Variants in DYNC2H1 observed in about 807,000 individuals in gnomAD.
The protein encoded by DYNC2H1 is cytoplasmic dynein 2 heavy chain 1.
In DYNC2H1, 410 loss-of-function variants were observed where a neutral mutation model predicts 570.0. That is an observed-to-expected ratio of 0.72 (90% CI 0.66 to 0.78). The LOEUF (loss-of-function observed/expected upper bound fraction) is 0.78. Among genes scored for constraint, DYNC2H1 ranks in the 30% least tolerant of loss-of-function variants. The pLI, the probability that DYNC2H1 is intolerant of heterozygous loss-of-function variation, is 0.00. For synonymous variants in DYNC2H1, 1,688 were observed against 1,677.6 expected (o/e 1.01, Z -0.15); for missense variants, 4,865 against 5,046.4 (o/e 0.96, Z 1.09).
chr11:103,183,039 A>G (rs1861917979), intron 40 of DYNC2H1, among the ~76,000 whole-genome samples: 1 of 151,878 alleles, frequency 6.6e-6, no homozygotes, highest in Non-Finnish European at 1.5e-5. Flanking sequence ...GTAGCAACAT[A>G]CAGCATCTAC....
chr11:103,169,170 G>A (rs550227460), intron 32 of DYNC2H1, among the ~76,000 whole-genome samples: 1 of 152,126 alleles, frequency 6.6e-6, no homozygotes, highest in South Asian at 2.1e-4. Context: ...AATATTGCTA[G>A]TATTGTACTG....
chr11:103,282,684 G>A (rs956170030), intron 72 of DYNC2H1, among the ~76,000 whole-genome samples: 2 of 151,586 alleles, frequency 1.3e-5, no homozygotes, highest in Admixed American at 6.6e-5. Context: ...AATATAACAC[G>A]GAACATAGAT....
intron 83 of DYNC2H1, among the ~76,000 whole-genome samples, chr11:103,393,902 C>G (rs1325097805): frequency 6.6e-6 from 1 of 152,132 alleles, no homozygotes. Flanking sequence ...ATAAGACTAT[C>G]AGATTTCATG....
intron 82 of DYNC2H1, among the ~76,000 whole-genome samples, chr11:103,354,850 A>C (rs181664039): frequency 6.7e-6 from 1 of 149,874 alleles, no homozygotes; most frequent in Non-Finnish European, 1.5e-5. Context: ...TACATTGTGC[A>C]GTACCAGATG....
chr11:103,201,683 T>C lies in DYNC2H1; in HGVS notation c.8197+1529T>C, dbSNP rs886850024. 3.3e-5 allele frequency among the ~76,000 whole-genome samples: 5 copies of C among 152,174 alleles called. No homozygotes were observed. The highest frequency in any genetic ancestry group is 7.4e-5 in the Non-Finnish European group (5 of 68,024). ...CTGTCCCCAGCAAACTGTGGTACTC[T>C]CCTGCTGTCTGTGGTGTTACCTGAC... On this transcript the variant is annotated intron_variant, in intron 50 of 88. Transcript: ENST00000375735. The surrounding 1 kb of genome is among the most constrained non-coding windows in gnomAD (Gnocchi z 4.8).
At position 103,277,678 on chromosome 11, in the gene DYNC2H1, G is replaced by T. The variant is rs1865966607; in HGVS notation, c.10696-2670G>T. 6.6e-6 allele frequency among the ~76,000 whole-genome samples: 1 copy of T among 152,120 alleles called. No homozygotes were observed. The highest frequency in any genetic ancestry group is 6.5e-5 in the Admixed American group (1 of 15,276). ...GAGTTCTTTGAGAACAGGGTTAGGG[G>T]AGTAGTTCTCTAAAGCAAGCTTGCC... On this transcript the variant is annotated intron_variant, in intron 70 of 88. Transcript: ENST00000375735. The surrounding 1 kb of genome is among the most constrained non-coding windows in gnomAD (Gnocchi z 4.3).
Position 103,399,800 on chromosome 11 carries a change from C to A in DYNC2H1, c.12294C>A (p.Ser4098Arg), listed in dbSNP as rs1565564140. The A allele has an allele frequency of 6.2e-7, 1 of 1,613,922 alleles. No homozygotes were observed. Among genetic ancestry groups the A allele is most frequent in the South Asian group, 1.1e-5 (1 of 91,084 alleles). The change falls in exon 84 of 89, where the codon AGC becomes AGA. Residue 4098 changes from serine to arginine, a missense_variant. This residue lies in a region of DYNC2H1 where 2,401 missense variants were observed against 2,454.6 expected (regional missense o/e 0.98). Coordinates refer to ENST00000375735, the MANE Select transcript of DYNC2H1 (RefSeq NM_001377.3). The stretch of plus-strand genomic sequence containing the variant: ...TCCACCAGTCTCTTGCTGCTCTCAG[C>A]AAAGTCATCAGAGGAACTACTTTAC... ...QSVHQSLAAL[S>R]KVIRGTTLLS...
chr11:103,257,778 A>C lies in DYNC2H1; in HGVS notation c.10605+27A>C, dbSNP rs1346883. 1.4e-4 allele frequency: 215 copies of C among 1,516,950 alleles called. 4 individuals are homozygous for C. The Admixed American group carries it at 4.4e-3, about 31-fold the overall frequency. 94.0% of individuals were successfully genotyped at this position (1,516,950 alleles called of 1,614,324 possible). A position where few individuals can be genotyped will look rare whatever the true frequency, so the allele number is the denominator to read the frequency against. ...TAAGCTGTTGGATACCCTGTACCAG[A>C]GACTGAATTACAGGGATTACTTTAC... On this transcript the variant is annotated intron_variant, in intron 69 of 88. Coordinates refer to ENST00000375735, the MANE Select transcript of DYNC2H1 (RefSeq NM_001377.3).
intron 84 of DYNC2H1, among the ~76,000 whole-genome samples, chr11:103,401,369 G>T (rs117293862): frequency 0.043 from 6,614 of 152,204 alleles, 188 homozygotes; most frequent in South Asian, 0.065. Context: ...TGAATTAGAA[G>T]AGAATAATAA....
intron 60 of DYNC2H1, among the ~76,000 whole-genome samples, chr11:103,232,428 C>T (rs775458601): frequency 9.2e-5 from 14 of 151,850 alleles, no homozygotes; most frequent in Non-Finnish European, 2.1e-4. Flanking sequence ...TTGCACCATA[C>T]TACCATTATT....
At chr11:103,405,136 C>T (rs61896847) in intron 84 of DYNC2H1, 1 of 151,340 alleles carries the variant, frequency 6.6e-6, no homozygotes, top group Non-Finnish European at 1.5e-5. Context: ...TCAGGGTGAC[C>T]AAAGAATCAG....
intron 70 of DYNC2H1, among the ~76,000 whole-genome samples, chr11:103,272,940 C>A (rs1211512421): frequency 2.0e-5 from 3 of 151,740 alleles, no homozygotes; most frequent in African/African-American, 7.3e-5. Context: ...TATTTTTAAA[C>A]AAAACTCAAG....
In DYNC2H1 at chr11:103,256,072, A is replaced by G. The variant is rs1490906739; in HGVS notation, c.10327-34A>G. The stretch of plus-strand genomic sequence containing the variant: ...GCTTTAATTGGTTATTTTTATATGT[A>G]TAATAATATTCATATTGTTAACTTT... On this transcript the variant is annotated intron_variant, in intron 67 of 88. Transcript: ENST00000375735. This position sits in a 1 kb window ranked among gnomAD's most constrained non-coding sequence, Gnocchi z 4.0. The G allele has an allele frequency of 6.5e-7, 1 of 1,536,092 alleles. No individual in the cohort carries two copies. The highest frequency in any genetic ancestry group is 8.8e-7 in the Non-Finnish European group (1 of 1,134,616).
intron 28 of DYNC2H1, among the ~76,000 whole-genome samples, chr11:103,159,661 T>C (rs1283542892): frequency 6.6e-6 from 1 of 152,196 alleles, no homozygotes; most frequent in African/African-American, 2.4e-5. Flanking sequence ...ATAATGACTA[T>C]TATTTTCTTA....
At chr11:103,450,590 G>A (rs1186568646) in intron 85 of DYNC2H1, among the ~76,000 whole-genome samples, 1 of 151,876 alleles carries the variant, frequency 6.6e-6, no homozygotes, top group African/African-American at 2.4e-5. Context: ...ATAACCCATG[G>A]GTCAAAGAAG....
chr11:103,233,822 T>G (rs1442458326), intron 60 of DYNC2H1, among the ~76,000 whole-genome samples: 1 of 141,040 alleles, frequency 7.1e-6, no homozygotes, highest in Non-Finnish European at 1.5e-5. Flanking sequence ...TAGAGAATGC[T>G]ACACTTTATG....
intron 78 of DYNC2H1, among the ~76,000 whole-genome samples, chr11:103,310,857 A>AT (rs1207592493): frequency 6.6e-6 from 1 of 150,826 alleles, no homozygotes; most frequent in African/African-American, 2.4e-5. Flanking sequence ...CACCTGGCTA[A>AT]TTTTTTATTT....
chr11:103,452,320 C>G (rs1944635128), intron 85 of DYNC2H1, among the ~76,000 whole-genome samples: 2 of 151,296 alleles, frequency 1.3e-5, no homozygotes, highest in African/African-American at 4.8e-5. Context: ...TAGGGTATCA[C>G]TGATACATTT....
chr11:103,316,696 A>G, intron 80 of DYNC2H1, 76 bp downstream of exon 80: 1 of 1,185,214 alleles, frequency 8.4e-7, no homozygotes, highest in African/African-American at 1.6e-5. Context: ...TGTTTTCTTC[A>G]GAAGTGGCTT....
Sources: gnomAD v4.1 joint callset for allele counts (sites outside exome capture counted in the v4.1 genomes callset) on GRCh38, gnomAD v4.1.1 for gene constraint, gnomAD v4.1.1 regional missense constraint, Gnocchi (gnomAD v3.1) non-coding constraint, MANE v1.5 for transcripts, NCBI Gene and HGNC (gene_info 2026-07-23, HGNC 2026-07-21) for gene names.